MED28: variants seen among roughly 807,000 people sequenced by gnomAD.
MED28 encodes the protein mediator of RNA polymerase II transcription subunit 28.
A neutral mutation model predicts 21.3 loss-of-function variants in MED28; 26 were observed. That is an observed-to-expected ratio of 1.22 (90% CI 0.89 to 1.69). The LOEUF (loss-of-function observed/expected upper bound fraction) is 1.69, where lower values mean the gene tolerates loss of function less well. Ranked by LOEUF, MED28 falls within the 40% of genes most tolerant of loss-of-function variation. The pLI, the probability that MED28 is intolerant of heterozygous loss-of-function variation, is 0.00. For missense variants in MED28, 257 were observed against 215.4 expected, an observed-to-expected ratio of 1.19 and a Z score of -1.21; for synonymous variants, 110 against 87.6, an observed-to-expected ratio of 1.26 and a Z score of -1.43.
At chr4:17,617,320 A>G (rs1714482192) in intron 1 of MED28, among the ~76,000 whole-genome samples, 2 of 152,164 alleles carry the variant, frequency 1.3e-5, no homozygotes, top group African/African-American at 2.4e-5. Context: ...AGCAGCACCT[A>G]CTTACCTGCT....
In MED28 at chr4:17,627,022, G is replaced by A. The variant is rs1459739783; in HGVS notation, c.*3224G>A. 6.8e-6 allele frequency: 1 copy of A among 146,484 alleles called. No individual in the cohort carries two copies. The highest frequency in any genetic ancestry group is 1.5e-5 in the Non-Finnish European group (1 of 67,628). The allele number at this position is 146,484 out of a possible 1,614,324, so 9.1% of individuals were successfully genotyped here. ...CTCTGTCGCCCGGTTAGAGTGCAGT[G>A]GTGCAATCTCGGCTCACTGCAACCT... On this transcript the variant is annotated 3_prime_UTR_variant, in exon 4 of 4. Coordinates refer to ENST00000237380, the MANE Select transcript of MED28 (RefSeq NM_025205.5).
rs1352552923 is a variant in MED28 at position 17,623,269 on chromosome 4, C to T, written c.340-332C>T. Among the ~76,000 whole-genome samples, 12 of 151,886 alleles carry T rather than the reference C, an allele frequency of 7.9e-5. No homozygotes were observed. The South Asian group carries it at 1.5e-3, about 18-fold the overall frequency. The stretch of plus-strand genomic sequence containing the variant: ...TATAAAAATTAGCTGGGTGTGGTGG[C>T]GTGTGCCTGTGATCCCAGCTACTCA... On this transcript the variant is annotated intron_variant, in intron 3 of 3. Coordinates refer to ENST00000237380, the MANE Select transcript of MED28 (RefSeq NM_025205.5).
rs1172817939 is a variant in MED28 at position 17,624,749 on chromosome 4, G to A, written c.*951G>A. Reference sequence around the variant, plus strand: ...CAAGGGACTAGAGTGTCGTGGTGGGGGTGGGGAGGGGCTGCAGGGTGATCA... The same window carrying A: ...CAAGGGACTAGAGTGTCGTGGTGGGAGTGGGGAGGGGCTGCAGGGTGATCA... On this transcript the variant is annotated 3_prime_UTR_variant, in exon 4 of 4. Transcript: ENST00000237380. The A allele has an allele frequency of 1.3e-5, 2 of 152,048 alleles. No homozygotes were observed. Among genetic ancestry groups the A allele is most frequent in the Non-Finnish European group, 2.9e-5 (2 of 68,036 alleles). The allele number at this position is 152,048 out of a possible 1,614,324, so 9.4% of individuals were successfully genotyped here.
chr4:17,618,642 G>T (rs1391272857), intron 1 of MED28, among the ~76,000 whole-genome samples: 1 of 152,044 alleles, frequency 6.6e-6, no homozygotes. Flanking sequence ...TCAGCCTCCC[G>T]AGTAGCTGGG....
intron 1 of MED28, among the ~76,000 whole-genome samples, chr4:17,616,713 A>G (rs549366266): frequency 1.3e-5 from 2 of 152,260 alleles, no homozygotes; most frequent in Admixed American, 6.5e-5. Flanking sequence ...ATTCGGCTCC[A>G]TGAAGTCAGA....
intron 2 of MED28, among the ~76,000 whole-genome samples, chr4:17,621,306 C>T (rs189124433): frequency 3.9e-5 from 6 of 152,286 alleles, no homozygotes; most frequent in Admixed American, 3.3e-4. Flanking sequence ...GCCACCATGC[C>T]CAGCTGCATT....
chr4:17,623,514 T>G (rs1714691911), intron 3 of MED28, 87 bp from the exon 4 acceptor site: 1 of 1,298,524 alleles, frequency 7.7e-7, no homozygotes. Context: ...ATTCTCTTTG[T>G]TTTGAATTGT....
intron 1 of MED28, among the ~76,000 whole-genome samples, chr4:17,615,638 T>C (rs11733505): frequency 0.61 from 92,398 of 151,522 alleles, 28,663 homozygotes; most frequent in East Asian, 0.89. Flanking sequence ...GGTGAAACCC[T>C]GACTCTACTA....
At position 17,614,915 on chromosome 4, in the gene MED28, A is replaced by G. The variant is rs1714403183; in HGVS notation, c.159+102A>G. The G allele has an allele frequency of 2.2e-6, 3 of 1,349,304 alleles. No homozygotes were observed. The Admixed American group carries it at 7.0e-5, about 31-fold the overall frequency. 83.6% of individuals were successfully genotyped at this position (1,349,304 alleles called of 1,614,324 possible). ...CTCCAGGGATCCGAGCAACTAATTC[A>G]CAAATGGGGAAACTGAGGCTTAAAG... On this transcript the variant is annotated intron_variant, in intron 1 of 3. Transcript: ENST00000237380.
chr4:17,619,047 CTG>C (rs1279688015), intron 1 of MED28, among the ~76,000 whole-genome samples: 1 of 152,210 alleles, frequency 6.6e-6, no homozygotes, highest in African/African-American at 2.4e-5. Context: ...CTCCACTTTC[CTG>C]TGTTTGAGGC....
intron 1 of MED28, 124 bp downstream of exon 1, chr4:17,614,937 A>C (rs913361450): frequency 8.2e-7 from 1 of 1,216,916 alleles, no homozygotes; most frequent in Non-Finnish European, 1.1e-6. Context: ...ACTGAGGCTT[A>C]AAGTAAGTCA....
At chr4:17,619,871 T>C (rs1337347906) in intron 1 of MED28, 30 bp from the exon 2 acceptor site, 5 of 1,604,226 alleles carry the variant, frequency 3.1e-6, no homozygotes, top group South Asian at 1.1e-5. Flanking sequence ...TAAATGATAT[T>C]TTTTTCTTTC....
rs1714872134 is a variant in MED28, at chr4:17,629,811, T to C, written c.*6013T>C. On this transcript the variant is annotated 3_prime_UTR_variant, in exon 4 of 4. Transcript: ENST00000237380. ...CTATCAAATTGTATTTCTTTGTCAA[T>C]AGTGTTAGGGCACAGTAGGTTCATT... The C allele has an allele frequency of 6.6e-6, 1 of 152,220 alleles. No individual in the cohort carries two copies. The highest frequency in any genetic ancestry group is 2.4e-5 in the African/African-American group (1 of 41,462). The allele number at this position is 152,220 out of a possible 1,614,324, so 9.4% of individuals were successfully genotyped here. A position where few individuals can be genotyped will look rare whatever the true frequency, so the allele number is the denominator to read the frequency against.
rs1033983601 is a variant in MED28, at chr4:17,626,706, C to T, written c.*2908C>T. On this transcript the variant is annotated 3_prime_UTR_variant, in exon 4 of 4. Coordinates refer to ENST00000237380, the MANE Select transcript of MED28 (RefSeq NM_025205.5). ...TTTTTTTTGAGACAGGAGTCTTGCT[C>T]TGTTGCCCAGGCTGTAGTGCAGTGG... The T allele has an allele frequency of 3.7e-4, 56 of 152,446 alleles. No individual in the cohort carries two copies. The highest frequency in any genetic ancestry group is 1.3e-3 in the African/African-American group (55 of 41,490). The allele number at this position is 152,446 out of a possible 1,614,324, so 9.4% of individuals were successfully genotyped here.
chr4:17,623,839 G>T lies in MED28; in HGVS notation c.*41G>T, dbSNP rs373190003. The T allele has an allele frequency of 5.7e-6, 9 of 1,574,790 alleles. No individual in the cohort carries two copies. Among genetic ancestry groups the T allele is most frequent in the East Asian group, 2.3e-5 (1 of 43,264 alleles). ...AGTTGGCCTATGAGTGGGCTGATGC[G>T]TGAGGTTGGCCACACATTCCTTCCT... On this transcript the variant is annotated 3_prime_UTR_variant, in exon 4 of 4. Coordinates refer to ENST00000237380, the MANE Select transcript of MED28 (RefSeq NM_025205.5).
chr4:17,631,700 G>A lies in MED28; in HGVS notation c.*7902G>A, dbSNP rs553094883. The A allele has an allele frequency of 6.6e-6, 1 of 152,170 alleles. No homozygotes were observed. The highest frequency in any genetic ancestry group is 1.5e-5 in the Non-Finnish European group (1 of 68,040). The allele number at this position is 152,170 out of a possible 1,614,324, so 9.4% of individuals were successfully genotyped here. On this transcript the variant is annotated 3_prime_UTR_variant, in exon 4 of 4. Coordinates refer to ENST00000237380, the MANE Select transcript of MED28 (RefSeq NM_025205.5). ...TAATCTGCTGCTTGTCTTAGACCAA[G>A]GAAGTGAAAGTATTCAGTCCAAGCA...
rs989160902 is a variant in MED28 at position 17,618,672 on chromosome 4, A to G, written c.160-1229A>G. On this transcript the variant is annotated intron_variant, in intron 1 of 3. Transcript: ENST00000237380. ...GCTGGGACTACAGGCACGTGCCACCATGCCCAGCTAATTTTTTGTATTTTT... is the reference window on the plus strand; with the variant it reads ...GCTGGGACTACAGGCACGTGCCACCGTGCCCAGCTAATTTTTTGTATTTTT... 2.0e-5 allele frequency among the ~76,000 whole-genome samples: 3 copies of G among 151,930 alleles called. No individual in the cohort carries two copies. In the South Asian group the frequency reaches 6.2e-4, roughly 32 times the overall value.
Position 17,626,454 on chromosome 4 carries a change from T to A in MED28, c.*2656T>A, listed in dbSNP as rs1311260561. 2 of 152,244 alleles carry A rather than the reference T, an allele frequency of 1.3e-5. No homozygotes were observed. Among genetic ancestry groups the A allele is most frequent in the Admixed American group, 1.3e-4 (2 of 15,286 alleles). 9.4% of individuals were successfully genotyped at this position (152,244 alleles called of 1,614,324 possible). On this transcript the variant is annotated 3_prime_UTR_variant, in exon 4 of 4. Transcript: ENST00000237380. ...TTGAAGTGAGTTTTCACACCCCTCTTCCCTGGTCAGTGTGTTGATAACAGC... is the reference window on the plus strand; with the variant it reads ...TTGAAGTGAGTTTTCACACCCCTCTACCCTGGTCAGTGTGTTGATAACAGC...
rs896512277 is a variant in MED28 at position 17,626,781 on chromosome 4, CAGGT to C, written c.*2986_*2989del. On this transcript the variant is annotated 3_prime_UTR_variant, in exon 4 of 4. Transcript: ENST00000237380. ...GCTGGGGAAAGGCCCACCCAGCCAT[CAGGT>C]AGCCTGTGTGTTCTACAAACAGCAG... 5 of 152,218 alleles carry C rather than the reference CAGGT, an allele frequency of 3.3e-5. No individual in the cohort carries two copies. The highest frequency in any genetic ancestry group is 1.2e-4 in the African/African-American group (5 of 41,404). 9.4% of individuals were successfully genotyped at this position (152,218 alleles called of 1,614,324 possible). A position where few individuals can be genotyped will look rare whatever the true frequency, so the allele number is the denominator to read the frequency against.
Sources: gnomAD v4.1 joint callset for allele counts (sites outside exome capture counted in the v4.1 genomes callset) on GRCh38, gnomAD v4.1.1 for gene constraint, MANE v1.5 for transcripts, NCBI Gene and HGNC (gene_info 2026-07-23, HGNC 2026-07-21) for gene names.